SKI: variants seen among roughly 807,000 people sequenced by gnomAD.
SKI encodes the protein ski oncogene.
SKI carries 23 observed loss-of-function variants against 59.3 expected under a neutral mutation model. That is an observed-to-expected ratio of 0.39 (90% CI 0.28 to 0.55). The LOEUF (loss-of-function observed/expected upper bound fraction) is 0.55, where lower values mean the gene tolerates loss of function less well. Ranked by LOEUF, SKI falls within the 20% of genes least tolerant of loss-of-function variation. The pLI, the probability that SKI is intolerant of heterozygous loss-of-function variation, is 0.67. For missense variants in SKI, 1,017 were observed against 1,038.9 expected (o/e 0.98, Z 0.29); for synonymous variants, 673 against 488.6 (o/e 1.38, Z -4.98).
chr1:2,297,620 C>T (rs1181841694), intron 1 of SKI, among the ~76,000 whole-genome samples: 1 of 152,246 alleles, frequency 6.6e-6, no homozygotes, highest in Non-Finnish European at 1.5e-5. Context: ...CTATTGGTGG[C>T]AGCCATCCCC....
chr1:2,239,284 G>T (rs571391359), intron 1 of SKI, among the ~76,000 whole-genome samples: 1 of 152,314 alleles, frequency 6.6e-6, no homozygotes, highest in African/African-American at 2.4e-5. Context: ...CTTGGATGCG[G>T]TGAGTGGCGC....
intron 1 of SKI, among the ~76,000 whole-genome samples, chr1:2,286,523 G>A (rs554019201): frequency 1.5e-4 from 23 of 152,342 alleles, no homozygotes; most frequent in African/African-American, 5.3e-4. Flanking sequence ...GCAAATGTAA[G>A]AGTGTTTAAC....
intron 1 of SKI, among the ~76,000 whole-genome samples, chr1:2,230,536 C>T (rs1047958254): frequency 6.6e-6 from 1 of 152,208 alleles, no homozygotes; most frequent in African/African-American, 2.4e-5. Context: ...CCATTTCCTT[C>T]TCTCCCTCTG....
At position 2,268,765 on chromosome 1, in the gene SKI, T is replaced by TGG. The variant is rs1234590161; in HGVS notation, c.970-34210_970-34209dup. ...GGAGAGGCCATGACAGGAGTGGGTG[T>TGG]GGGGACTGGTGGGGACAGCGACTGT... On this transcript the variant is annotated intron_variant, in intron 1 of 6. Coordinates refer to ENST00000378536, the MANE Select transcript of SKI (RefSeq NM_003036.4). This position sits in a 1 kb window ranked among gnomAD's most constrained non-coding sequence, Gnocchi z 5.0. 5.9e-5 allele frequency among the ~76,000 whole-genome samples: 9 copies of TGG among 152,116 alleles called. No individual in the cohort carries two copies. The highest frequency in any genetic ancestry group is 2.2e-4 in the African/African-American group (9 of 41,422).
intron 1 of SKI, among the ~76,000 whole-genome samples, chr1:2,248,773 G>C (rs1639053174): frequency 6.6e-6 from 1 of 152,210 alleles, no homozygotes; most frequent in South Asian, 2.1e-4. Context: ...TGTACTTTTT[G>C]ATTATTTCAG....
intron 1 of SKI, among the ~76,000 whole-genome samples, chr1:2,230,274 T>C (rs1245090490): frequency 1.3e-5 from 2 of 152,236 alleles, no homozygotes; most frequent in African/African-American, 4.8e-5. Flanking sequence ...TCCCGCTCCC[T>C]GTTTGGTGCC....
At chr1:2,278,705 C>T (rs1251968031) in intron 1 of SKI, among the ~76,000 whole-genome samples, 2 of 151,914 alleles carry the variant, frequency 1.3e-5, no homozygotes, top group African/African-American at 4.8e-5. Flanking sequence ...GTGCCCAGCT[C>T]CCCACCTGAT....
In SKI at chr1:2,304,044, T is replaced by A. The variant is rs367560810; in HGVS notation, c.1416T>A (p.Ala472=). ...PGAPETLAPV[A]APEEDKDSEA... is the part of the protein sequence containing the mutation. ...CCCCAGAGACGCTGGCGCCCGTGGC[T>A]GCCCCAGAGGAGGACAAGGACTCGG... Residue 472 remains alanine, a synonymous_variant, in exon 4 of 7, where the codon GCT becomes GCA. Transcript: ENST00000378536. 2 of 1,612,540 alleles carry A rather than the reference T, an allele frequency of 1.2e-6. No individual in the cohort carries two copies. The highest frequency in any genetic ancestry group is 1.7e-6 in the Non-Finnish European group (2 of 1,179,886).
intron 1 of SKI, among the ~76,000 whole-genome samples, chr1:2,250,269 T>A (rs779590803): frequency 2.0e-5 from 3 of 152,186 alleles, no homozygotes; most frequent in Non-Finnish European, 4.4e-5. Flanking sequence ...ATTGCCCTGC[T>A]CAACAGAGAG....
chr1:2,284,670 C>T (rs926188117), intron 1 of SKI, among the ~76,000 whole-genome samples: 3 of 152,182 alleles, frequency 2.0e-5, no homozygotes, highest in African/African-American at 7.2e-5. Context: ...TGCGGCGGCT[C>T]CCTCCCGCCC....
chr1:2,262,839 C>T (rs912762231), intron 1 of SKI, among the ~76,000 whole-genome samples: 3 of 152,054 alleles, frequency 2.0e-5, no homozygotes, highest in Admixed American at 6.6e-5. Flanking sequence ...ATTGTTCATT[C>T]CTGGGATAGC....
chr1:2,252,665 G>A (rs1342021587), intron 1 of SKI, among the ~76,000 whole-genome samples: 1 of 152,128 alleles, frequency 6.6e-6, no homozygotes, highest in Non-Finnish European at 1.5e-5. Flanking sequence ...CCCGGCCAGC[G>A]TCCTCACAGC....
chr1:2,233,307 C>G lies in SKI; in HGVS notation c.969+3572C>G, dbSNP rs1370052699. 2.6e-5 allele frequency among the ~76,000 whole-genome samples: 4 copies of G among 151,126 alleles called. No individual in the cohort carries two copies. The East Asian group carries it at 7.8e-4, about 29-fold the overall frequency. On this transcript the variant is annotated intron_variant, in intron 1 of 6. Coordinates refer to ENST00000378536, the MANE Select transcript of SKI (RefSeq NM_003036.4). Reference sequence around the variant, plus strand: ...CAGGGTCCTGTTCTGGGCCGGGGGTCCTGCTCCGAGGGGGCCGGGCGTCCT... The same window carrying G: ...CAGGGTCCTGTTCTGGGCCGGGGGTGCTGCTCCGAGGGGGCCGGGCGTCCT...
chr1:2,275,032 C>T (rs1355073583), intron 1 of SKI, among the ~76,000 whole-genome samples: 1 of 152,196 alleles, frequency 6.6e-6, no homozygotes, highest in Non-Finnish European at 1.5e-5. Flanking sequence ...CTCTCACCCA[C>T]CCAAGCTGAA....
Position 2,306,632 on chromosome 1 carries a change from G to C in SKI, c.2054G>C (p.Arg685Pro). 1 of 1,544,780 alleles carries C rather than the reference G, an allele frequency of 6.5e-7. No individual in the cohort carries two copies. The highest frequency in any genetic ancestry group is 8.7e-7 in the Non-Finnish European group (1 of 1,145,404). ...QHAEADREQL[R>P]ADLLREREAR... ...GCGGAGGCGGACCGGGAGCAGCTGC[G>C]GGCCGACCTGCTGCGGGAGCGCGAG... Residue 685 changes from arginine to proline, a missense_variant, in exon 7 of 7, where the codon CGG (arginine) becomes CCG (proline). By Grantham distance (103) the Arg-to-Pro change is moderately radical. Coordinates refer to ENST00000378536, the MANE Select transcript of SKI (RefSeq NM_003036.4).
chr1:2,241,630 C>T (rs1468940148), intron 1 of SKI, among the ~76,000 whole-genome samples: 2 of 152,086 alleles, frequency 1.3e-5, no homozygotes, highest in Non-Finnish European at 2.9e-5. Context: ...CCTGACCTCG[C>T]GATCCGCCCG....
chr1:2,309,705 C>G lies in SKI; in HGVS notation c.*2940C>G. ...TCCTCCCTGTGGGTCCGAACCCCGG[C>G]CCCCCCACCCCCTCCTCCCTGTGGG... On this transcript the variant is annotated 3_prime_UTR_variant, in exon 7 of 7. Transcript: ENST00000378536. 1 of 62,222 alleles carries G rather than the reference C, an allele frequency of 1.6e-5. No homozygotes were observed. Among genetic ancestry groups the G allele is most frequent in the Non-Finnish European group, 3.2e-5 (1 of 31,442 alleles). The allele number at this position is 62,222 out of a possible 1,614,324, so 3.9% of individuals were successfully genotyped here.
intron 1 of SKI, among the ~76,000 whole-genome samples, chr1:2,262,545 G>A (rs1262063525): frequency 6.6e-6 from 1 of 151,986 alleles, no homozygotes; most frequent in African/African-American, 2.4e-5. Context: ...TCTGGAAGGC[G>A]TGGAATCAGA....
In SKI at chr1:2,282,968, G is replaced by A. The variant is rs545792075; in HGVS notation, c.970-20010G>A. Among the ~76,000 whole-genome samples, 45 of 152,330 alleles carry A rather than the reference G, an allele frequency of 3.0e-4. No individual in the cohort carries two copies. The East Asian group carries it at 5.0e-3, about 17-fold the overall frequency. ...CTGGGGTCCTGTGTGCACCTGGCCC[G>A]CTTCCCTTGCCGGTGCTGGGAGACG... On this transcript the variant is annotated intron_variant, in intron 1 of 6. Transcript: ENST00000378536.
Sources: gnomAD v4.1 joint callset for allele counts (sites outside exome capture counted in the v4.1 genomes callset) on GRCh38, gnomAD v4.1.1 for gene constraint, Gnocchi (gnomAD v3.1) non-coding constraint, MANE v1.5 for transcripts, NCBI Gene and HGNC (gene_info 2026-07-23, HGNC 2026-07-21) for gene names.